SPIRE2: variants seen among roughly 807,000 people sequenced by gnomAD.
The protein encoded by SPIRE2 is protein spire homolog 2.
SPIRE2 carries 76 observed loss-of-function variants against 80.7 expected under a neutral mutation model. The ratio of observed to expected loss-of-function variants is 0.94; its 90% CI spans 0.78 to 1.14. The LOEUF (loss-of-function observed/expected upper bound fraction) is 1.14. Ranked by LOEUF, SPIRE2 falls within the 50% of genes most tolerant of loss-of-function variation. The pLI is 0.00. For missense variants in SPIRE2, 1,196 were observed against 1,015.3 expected (o/e 1.18, Z -2.42); for synonymous variants, 535 against 432.6 (o/e 1.24, Z -2.94).
intron 7 of SPIRE2, among the ~76,000 whole-genome samples, chr16:89,856,553 T>TC (rs2041693711): frequency 6.6e-6 from 1 of 151,520 alleles, no homozygotes; most frequent in African/African-American, 2.4e-5. Context: ...CAAGTGATGC[T>TC]CATGCCTCAG....
chr16:89,869,053 A>AAACAAACATATATATATATATATAT, intron 13 of SPIRE2, among the ~76,000 whole-genome samples: 1 of 24,036 alleles, frequency 4.2e-5, no homozygotes, highest in African/African-American at 1.6e-4. Context: ...AAAAAAAAAA[A>AAACAAACATATATATATATATATAT]ATATATATAT....
At chr16:89,835,605 G>A in intron 1 of SPIRE2, among the ~76,000 whole-genome samples, 1 of 152,176 alleles carries the variant, frequency 6.6e-6, no homozygotes, top group Non-Finnish European at 1.5e-5. Flanking sequence ...TCTCAGTGCA[G>A]GAAGACAGAA....
At chr16:89,832,274 G>A (rs539463708) in intron 1 of SPIRE2, among the ~76,000 whole-genome samples, 4 of 152,342 alleles carry the variant, frequency 2.6e-5, no homozygotes, top group Admixed American at 2.6e-4. Context: ...CAGCCTGCCT[G>A]TTCTGCCGCT....
At chr16:89,851,566 C>G (rs1367078918) in intron 3 of SPIRE2, among the ~76,000 whole-genome samples, 1 of 152,148 alleles carries the variant, frequency 6.6e-6, no homozygotes, top group Non-Finnish European at 1.5e-5. Flanking sequence ...CGACGTGGCT[C>G]CCAAGCCGGA....
chr16:89,865,239 C>T (rs2041779253), intron 12 of SPIRE2, among the ~76,000 whole-genome samples: 1 of 152,084 alleles, frequency 6.6e-6, no homozygotes, highest in South Asian at 2.1e-4. Flanking sequence ...ATCCCCTGAC[C>T]TCAGGATCTG....
At chr16:89,833,504 A>C (rs2041408368) in intron 1 of SPIRE2, among the ~76,000 whole-genome samples, 1 of 152,226 alleles carries the variant, frequency 6.6e-6, no homozygotes, top group Non-Finnish European at 1.5e-5. Context: ...CCCAGGTGGT[A>C]TCAGGGGCAG....
chr16:89,846,035 T>C, intron 2 of SPIRE2: 1 of 174,672 alleles, frequency 5.7e-6, no homozygotes, highest in South Asian at 1.4e-4. Flanking sequence ...TAGCTGGGAC[T>C]ACTGGTGCCC....
At position 89,828,583 on chromosome 16, in the gene SPIRE2, G is replaced by T. The variant is rs758790116; in HGVS notation, c.33G>T (p.Ala11=). The change falls in exon 1 of 15, where the codon GCG becomes GCT. Residue 11 remains alanine, a synonymous_variant. Coordinates refer to ENST00000378247, the MANE Select transcript of SPIRE2 (RefSeq NM_032451.2). The surrounding 1 kb of genome is among the most constrained non-coding windows in gnomAD (Gnocchi z 5.9). ...GGGCGGGCAGCTGCGGCGGCGCCGC[G>T]GCGGGCGCAGGGCGGCCGGAGCCCT... MARAGSCGGA[A]AGAGRPEPWE... is the part of the protein sequence containing the mutation. The T allele has an allele frequency of 2.2e-5, 26 of 1,178,262 alleles. No individual in the cohort carries two copies. The South Asian group carries it at 8.7e-4, about 40-fold the overall frequency. The allele number at this position is 1,178,262 out of a possible 1,614,324, so 73.0% of individuals were successfully genotyped here.
rs1480629205 is a variant in SPIRE2 at position 89,856,106 on chromosome 16, A to G, written c.979-7A>G. ...TCCCCACCGCAGGTCTCGCTTCCCC[A>G]CCGCAGGTCTCTGAGAGGCGGCTGC... On this transcript the variant is annotated splice_polypyrimidine_tract_variant and splice_region_variant and intron_variant, in intron 6 of 14. Transcript: ENST00000378247. The G allele has an allele frequency of 1.2e-6, 2 of 1,609,956 alleles. No individual in the cohort carries two copies. The highest frequency in any genetic ancestry group is 2.7e-5 in the African/African-American group (2 of 74,796).
chr16:89,834,421 C>T (rs113027492), intron 1 of SPIRE2, among the ~76,000 whole-genome samples: 2,661 of 134,636 alleles, frequency 0.02, 94 homozygotes, highest in Non-Finnish European at 0.031. Flanking sequence ...TGCCCGCACT[C>T]GCGGTTGGCC....
Position 89,859,203 on chromosome 16 carries a change from G to A in SPIRE2, c.1311G>A (p.Arg437=). 1 of 1,600,362 alleles carries A rather than the reference G, an allele frequency of 6.2e-7. No individual in the cohort carries two copies. Among genetic ancestry groups the A allele is most frequent in the South Asian group, 1.1e-5 (1 of 89,694 alleles). The change falls in exon 9 of 15, where the codon CGG becomes CGA. Residue 437 remains arginine, a synonymous_variant. Coordinates refer to ENST00000378247, the MANE Select transcript of SPIRE2 (RefSeq NM_032451.2). The part of the protein sequence containing the change: ...ESPCGEVTLK[R]DRSFSEHDLA... ...CGTGTGGGGAGGTGACGCTGAAACG[G>A]GACCGCTCCTTCTCAGAGCATGACC...
At position 89,870,308 on chromosome 16, in the gene SPIRE2, G is replaced by A; in HGVS notation, c.*36G>A. The stretch of plus-strand genomic sequence containing the variant: ...TGGCCAGGCCTCCAGGAGGCACCAG[G>A]CAGGCCCTGTATCAGGCTAGGACGC... On this transcript the variant is annotated 3_prime_UTR_variant, in exon 15 of 15. Coordinates refer to ENST00000378247, the MANE Select transcript of SPIRE2 (RefSeq NM_032451.2). 7.0e-7 allele frequency: 1 copy of A among 1,436,316 alleles called. No individual in the cohort carries two copies. Among genetic ancestry groups the A allele is most frequent in the African/African-American group, 1.4e-5 (1 of 71,414 alleles). 89.0% of individuals were successfully genotyped at this position (1,436,316 alleles called of 1,614,324 possible).
rs2041614280 is a variant in SPIRE2 at position 89,850,540 on chromosome 16, C to CGCG, written c.529_531dup (p.Ala177dup). 1 of 1,512,326 alleles carries CGCG rather than the reference C, an allele frequency of 6.6e-7. No individual in the cohort carries two copies. Among genetic ancestry groups the CGCG allele is most frequent in the African/African-American group, 1.4e-5 (1 of 72,292 alleles). 93.7% of individuals were successfully genotyped at this position (1,512,326 alleles called of 1,614,324 possible). A position where few individuals can be genotyped will look rare whatever the true frequency, so the allele number is the denominator to read the frequency against. Reference sequence around the variant, plus strand: ...CCTTTGCCCAGGCCATGCGGCTGTGCGCGGCGCGGCTGACCGACCCCCGGG... The same window carrying CGCG: ...CCTTTGCCCAGGCCATGCGGCTGTGCGCGGCGGCGCGGCTGACCGACCCCCGGG... On this transcript the variant is annotated inframe_insertion, in exon 3 of 15. Transcript: ENST00000378247.
intron 6 of SPIRE2, 145 bp downstream of exon 6, chr16:89,855,831 G>C: frequency 1.1e-6 from 1 of 933,038 alleles, no homozygotes; most frequent in Non-Finnish European, 1.6e-6. Flanking sequence ...AGGCGGGCTG[G>C]CTTCCTCTTG....
chr16:89,859,132 G>C, intron 8 of SPIRE2, 33 bp from the exon 9 acceptor site: 1 of 1,502,388 alleles, frequency 6.7e-7, no homozygotes, highest in Non-Finnish European at 9.0e-7. Context: ...GGCGGGCATT[G>C]TCAGGGCAGG....
At chr16:89,869,140 T>C (rs565000867) in intron 13 of SPIRE2, among the ~76,000 whole-genome samples, 2 of 145,048 alleles carry the variant, frequency 1.4e-5, no homozygotes, top group South Asian at 4.4e-4. Flanking sequence ...CTACCACTAT[T>C]TTTAAATCTT....
In SPIRE2 at chr16:89,860,806, G is replaced by A; in HGVS notation, c.1575+11G>A. On this transcript the variant is annotated intron_variant, in intron 10 of 14. Coordinates refer to ENST00000378247, the MANE Select transcript of SPIRE2 (RefSeq NM_032451.2). ...AAACACCTGTGGCTGGTGAGTGAGG[G>A]TGCGATTGTCGTCCAGGGCGGCCCA... is the stretch of plus-strand genomic sequence containing the variant. The A allele has an allele frequency of 6.8e-7, 1 of 1,463,064 alleles. No individual in the cohort carries two copies. Among genetic ancestry groups the A allele is most frequent in the African/African-American group, 1.5e-5 (1 of 68,830 alleles). The allele number at this position is 1,463,064 out of a possible 1,614,324, so 90.6% of individuals were successfully genotyped here. A position where few individuals can be genotyped will look rare whatever the true frequency, so the allele number is the denominator to read the frequency against.
At chr16:89,866,930 A>G (rs1334598728) in intron 12 of SPIRE2, among the ~76,000 whole-genome samples, 1 of 151,968 alleles carries the variant, frequency 6.6e-6, no homozygotes, top group Non-Finnish European at 1.5e-5. Flanking sequence ...ATAAGAAGGT[A>G]TTTATTTTTG....
intron 3 of SPIRE2, 140 bp downstream of exon 3, chr16:89,850,800 C>T: frequency 1.7e-6 from 1 of 598,092 alleles, no homozygotes; most frequent in South Asian, 2.2e-5. Context: ...ATTATGTATT[C>T]CCACTTAATC....
Sources: allele counts gnomAD v4.1 joint callset (sites outside exome capture counted in the v4.1 genomes callset), GRCh38; gene constraint gnomAD v4.1.1; non-coding constraint Gnocchi (gnomAD v3.1); transcripts MANE v1.5; gene names NCBI Gene and HGNC (gene_info 2026-07-23, HGNC 2026-07-21).